FAM118A: variants seen among roughly 807,000 people sequenced by gnomAD.
FAM118A encodes the protein protein FAM118A.
In FAM118A, 25 loss-of-function variants were observed where a neutral mutation model predicts 38.2. That is an observed-to-expected ratio of 0.65 (90% confidence interval 0.48 to 0.91). The LOEUF (loss-of-function observed/expected upper bound fraction) is 0.91, where lower values mean the gene tolerates loss of function less well. FAM118A is among the 40% of genes least tolerant of loss of function. The probability of loss-of-function intolerance (pLI) is 0.00; values close to 1 mark genes in which losing one functional copy is unlikely to be tolerated. For synonymous variants in FAM118A, 178 were observed against 184.1 expected (o/e 0.97, Z 0.27); for missense variants, 425 against 463.3 (o/e 0.92, Z 0.76).
intron 1 of FAM118A, among the ~76,000 whole-genome samples, chr22:45,314,402 G>C (rs150874326): frequency 5.0e-4 from 76 of 152,320 alleles, no homozygotes; most frequent in African/African-American, 1.8e-3. Context: ...GTGGTAAAGA[G>C]GTAGAAATGA....
intron 1 of FAM118A, among the ~76,000 whole-genome samples, chr22:45,310,793 CA>C (rs1381268314): frequency 6.6e-6 from 1 of 152,210 alleles, no homozygotes; most frequent in African/African-American, 2.4e-5. Context: ...CAGGTGGCCC[CA>C]CAGGACAGTC....
chr22:45,323,085 C>A, intron 2 of FAM118A, 90 bp from the exon 3 acceptor site: 1 of 1,300,370 alleles, frequency 7.7e-7, no homozygotes, highest in Non-Finnish European at 1.1e-6. Context: ...GTACACAGCA[C>A]AAGGCCGGAA....
intron 3 of FAM118A, 118 bp downstream of exon 3, chr22:45,323,545 G>A (rs569544843): frequency 2.1e-4 from 276 of 1,301,618 alleles, no homozygotes; most frequent in Middle Eastern, 1.9e-3. Flanking sequence ...CAGCAGAGTC[G>A]GGCTGATGAG....
chr22:45,337,949 C>G (rs1315320913), intron 8 of FAM118A: 1 of 940,666 alleles, frequency 1.1e-6, no homozygotes, highest in East Asian at 1.2e-4. Context: ...TGATGGGAAC[C>G]TGTTCCCAGT....
intron 3 of FAM118A, among the ~76,000 whole-genome samples, chr22:45,326,456 G>A (rs997440960): frequency 6.6e-6 from 1 of 152,176 alleles, no homozygotes. Context: ...GGGAGGCCAA[G>A]GTGGGCAGAT....
intron 1 of FAM118A, among the ~76,000 whole-genome samples, chr22:45,316,521 A>G (rs1290903003): frequency 6.6e-6 from 1 of 152,200 alleles, no homozygotes; most frequent in Non-Finnish European, 1.5e-5. Context: ...GCTGAGGGTC[A>G]TGCTGGGAAG....
intron 3 of FAM118A, among the ~76,000 whole-genome samples, chr22:45,323,660 G>C (rs1601916800): frequency 6.6e-6 from 1 of 152,362 alleles, no homozygotes; most frequent in East Asian, 1.9e-4. Flanking sequence ...AATGGAGCCT[G>C]ACTGTGTGAG....
intron 1 of FAM118A, among the ~76,000 whole-genome samples, chr22:45,312,939 C>A (rs147353822): frequency 2.6e-5 from 4 of 152,230 alleles, no homozygotes; most frequent in African/African-American, 7.2e-5. Flanking sequence ...TTAATTAAAC[C>A]ATTGGCCTTT....
chr22:45,319,482 C>T (rs368023146), intron 1 of FAM118A, among the ~76,000 whole-genome samples: 1 of 152,228 alleles, frequency 6.6e-6, no homozygotes, highest in East Asian at 1.9e-4. Context: ...TGCAGGCCGC[C>T]TCATCCACAG....
chr22:45,337,450 T>C (rs942466936), intron 8 of FAM118A, among the ~76,000 whole-genome samples: 1 of 152,234 alleles, frequency 6.6e-6, no homozygotes, highest in East Asian at 1.9e-4. Context: ...TTTTTTATTG[T>C]TTAATATTGG....
chr22:45,332,352 A>C, intron 5 of FAM118A, 73 bp from the exon 6 acceptor site: 1 of 1,492,986 alleles, frequency 6.7e-7, no homozygotes, highest in Non-Finnish European at 9.1e-7. Context: ...AAGCACACAC[A>C]TGTGACTTGG....
chr22:45,320,471 C>G (rs1050451415), intron 1 of FAM118A, among the ~76,000 whole-genome samples: 6 of 109,092 alleles, frequency 5.5e-5, no homozygotes, highest in African/African-American at 1.8e-4. Context: ...GGGTCTCACT[C>G]TGCGACCCAG....
At chr22:45,325,536 G>A (rs560807173) in intron 3 of FAM118A, among the ~76,000 whole-genome samples, 23 of 152,108 alleles carry the variant, frequency 1.5e-4, no homozygotes, top group African/African-American at 2.2e-4. Context: ...AGTAGCTCAC[G>A]GGCCTCAATG....
intron 3 of FAM118A, among the ~76,000 whole-genome samples, chr22:45,323,717 A>G (rs1455849131): frequency 6.6e-6 from 1 of 152,156 alleles, no homozygotes; most frequent in Non-Finnish European, 1.5e-5. Flanking sequence ...GAACTTTGTG[A>G]TTGTATATTC....
chr22:45,338,704 A>G (rs978218166), intron 8 of FAM118A, among the ~76,000 whole-genome samples: 1 of 152,254 alleles, frequency 6.6e-6, no homozygotes, highest in African/African-American at 2.4e-5. Context: ...AAGCCAAAGT[A>G]AAACACTCTT....
intron 1 of FAM118A, among the ~76,000 whole-genome samples, chr22:45,314,326 CTT>C (rs1404814151): frequency 6.6e-6 from 1 of 151,998 alleles, no homozygotes; most frequent in Admixed American, 6.6e-5. Context: ...AATGGCAACT[CTT>C]TCAACATTTC....
At chr22:45,317,835 G>C (rs374985804) in intron 1 of FAM118A, among the ~76,000 whole-genome samples, 7 of 152,190 alleles carry the variant, frequency 4.6e-5, no homozygotes, top group Non-Finnish European at 8.8e-5. Flanking sequence ...GAATTCCACC[G>C]GGACAGGCTC....
intron 1 of FAM118A, among the ~76,000 whole-genome samples, chr22:45,311,581 A>G (rs2084367608): frequency 6.6e-6 from 1 of 152,178 alleles, no homozygotes; most frequent in Admixed American, 6.5e-5. Flanking sequence ...AGAGCCAGTC[A>G]GGACCAAAGC....
In FAM118A at chr22:45,323,227, A is replaced by G. The variant is rs1397625447; in HGVS notation, c.100A>G (p.Ile34Val). 4 of 1,614,064 alleles carry G rather than the reference A, an allele frequency of 2.5e-6. No individual in the cohort carries two copies. Among genetic ancestry groups the G allele is most frequent in the South Asian group, 1.1e-5 (1 of 91,090 alleles). The change falls in exon 3 of 9, where the codon ATC becomes GTC. Residue 34 changes from isoleucine (I) to valine (V), a missense_variant. By Grantham distance (29) the Ile-to-Val change is conservative. Transcript: ENST00000441876. The part of the protein sequence containing the change: ...RKQPQELLLV[I>V]GTGVSAAVAP... The stretch of plus-strand genomic sequence containing the variant: ...ACAGCCCCAGGAACTGCTCCTGGTT[A>G]TCGGGACTGGCGTCAGCGCAGCAGT...
Sources: gnomAD v4.1 joint callset for allele counts (sites outside exome capture counted in the v4.1 genomes callset) on GRCh38, gnomAD v4.1.1 for gene constraint, MANE v1.5 for transcripts, NCBI Gene and HGNC (gene_info 2026-07-23, HGNC 2026-07-21) for gene names.